Variants in TMEM72 observed in about 807,000 individuals in gnomAD.
TMEM72 encodes the protein kidney-specific secretory protein of 37 kDa.
Under a neutral mutation model 16.3 loss-of-function variants are expected in TMEM72, and 9 were observed. That is an observed-to-expected ratio of 0.55 (90% confidence interval 0.33 to 0.96). The LOEUF is 0.96. Ranked by LOEUF, TMEM72 falls within the 40% of genes least tolerant of loss-of-function variation. The probability of loss-of-function intolerance (pLI) is 0.03; values close to 1 mark genes in which losing one functional copy is unlikely to be tolerated. For synonymous variants in TMEM72, 160 were observed against 146.5 expected (o/e 1.09, Z -0.66); for missense variants, 324 against 337.8 (o/e 0.96, Z 0.32).
In TMEM72 at chr10:44,935,157, C is replaced by A; in HGVS notation, c.*23C>A. ...TGAGCGCTTGCTCCAGCCTGGAGGACGCTCAGTGAGGGGTCTACCTAGCTC... is the reference window on the plus strand; with the variant it reads ...TGAGCGCTTGCTCCAGCCTGGAGGAAGCTCAGTGAGGGGTCTACCTAGCTC... On this transcript the variant is annotated 3_prime_UTR_variant, in exon 5 of 5. Coordinates refer to ENST00000389583, the MANE Select transcript of TMEM72 (RefSeq NM_001123376.3). 1 of 1,543,392 alleles carries A rather than the reference C, an allele frequency of 6.5e-7. No homozygotes were observed. The highest frequency in any genetic ancestry group is 8.7e-7 in the Non-Finnish European group (1 of 1,145,496).
intron 1 of TMEM72, among the ~76,000 whole-genome samples, chr10:44,914,349 G>A (rs946024836): frequency 6.6e-6 from 1 of 152,196 alleles, no homozygotes; most frequent in Admixed American, 6.5e-5. Context: ...GTGGTTTCCA[G>A]GACATAACAG....
In TMEM72 at chr10:44,933,729, T is replaced by G. The variant is rs1214967044; in HGVS notation, c.302T>G (p.Val101Gly). Residue 101 changes from valine to glycine, a missense_variant, in exon 4 of 5, where the codon GTG becomes GGG. Transcript: ENST00000389583. ...QKFLAYLLLS[V>G]ACFLHPVLVW... ...TTCCTGGCCTACCTGCTGCTGTCGGTGGCCTGCTTCCTCCACCCGGTCCTG... is the reference window on the plus strand; with the variant it reads ...TTCCTGGCCTACCTGCTGCTGTCGGGGGCCTGCTTCCTCCACCCGGTCCTG... 1 of 1,614,002 alleles carries G rather than the reference T, an allele frequency of 6.2e-7. No homozygotes were observed. The highest frequency in any genetic ancestry group is 1.3e-5 in the African/African-American group (1 of 74,944).
At chr10:44,921,411 AC>A (rs1199378721) in intron 1 of TMEM72, among the ~76,000 whole-genome samples, 2 of 152,154 alleles carry the variant, frequency 1.3e-5, no homozygotes, top group Non-Finnish European at 1.5e-5. Context: ...TTGCCCCTCC[AC>A]CTGGGCAGGA....
chr10:44,925,022 ACTCCAATCCAAGCAATTTT>A (rs1193496431), intron 1 of TMEM72, among the ~76,000 whole-genome samples: 2 of 152,042 alleles, frequency 1.3e-5, no homozygotes, highest in Non-Finnish European at 2.9e-5. Flanking sequence ...TGCATTTCAG[ACTCCAATCCAAGCAATTTT>A]CTCCAATCCA....
In TMEM72 at chr10:44,911,441, T is replaced by C; in HGVS notation, c.-72T>C. 6.7e-7 allele frequency: 1 copy of C among 1,484,192 alleles called. No individual in the cohort carries two copies. The allele number at this position is 1,484,192 out of a possible 1,614,324, so 91.9% of individuals were successfully genotyped here. A position where few individuals can be genotyped will look rare whatever the true frequency, so the allele number is the denominator to read the frequency against. On this transcript the variant is annotated 5_prime_UTR_variant, in exon 1 of 5. Transcript: ENST00000389583. ...CAGCAGCCTCCTACCTACACAAGGG[T>C]GTTCGGGAGCATCTCAGGGCCGAAG...
intron 2 of TMEM72, among the ~76,000 whole-genome samples, chr10:44,929,262 GTCTCT>G (rs1840253047): frequency 6.6e-6 from 1 of 152,202 alleles, no homozygotes; most frequent in Non-Finnish European, 1.5e-5. Context: ...AAGAACCTGG[GTCTCT>G]GCCCCAGCAT....
At chr10:44,927,789 A>G in intron 1 of TMEM72, 132 bp from the exon 2 acceptor site, 2 of 823,576 alleles carry the variant, frequency 2.4e-6, no homozygotes, top group East Asian at 2.5e-5. Flanking sequence ...TGCCTGTATC[A>G]TGAAGAGAAG....
intron 1 of TMEM72, among the ~76,000 whole-genome samples, chr10:44,913,140 T>A (rs1839961399): frequency 6.6e-6 from 1 of 152,112 alleles, no homozygotes; most frequent in Non-Finnish European, 1.5e-5. Flanking sequence ...CATAAGAGAA[T>A]GATGGCCAAG....
chr10:44,934,534 C>A, intron 4 of TMEM72, 122 bp from the exon 5 acceptor site: 1 of 990,856 alleles, frequency 1.0e-6, no homozygotes, highest in Non-Finnish European at 1.5e-6. Context: ...GCCAGGGCCA[C>A]AGGGGCCTGT....
In TMEM72 at chr10:44,911,539, G is replaced by T; in HGVS notation, c.27G>T (p.Gly9=). ...TGCAGCTCCAGGTGTTCTGGACTGG[G>T]CTGGAATACACCTGCCGGCTCCTGG... MQLQVFWT[G]LEYTCRLLGI... The change falls in exon 1 of 5, where the codon GGG becomes GGT. Residue 9 remains glycine (G), a synonymous_variant. Transcript: ENST00000389583. 1.9e-6 allele frequency: 3 copies of T among 1,551,286 alleles called. No individual in the cohort carries two copies. Among genetic ancestry groups the T allele is most frequent in the African/African-American group, 1.4e-5 (1 of 73,252 alleles).
intron 1 of TMEM72, among the ~76,000 whole-genome samples, chr10:44,911,890 G>C (rs1839943317): frequency 6.6e-6 from 1 of 152,214 alleles, no homozygotes; most frequent in Non-Finnish European, 1.5e-5. Flanking sequence ...CCTACGCAGA[G>C]AGTTGTCATG....
At chr10:44,916,487 C>T (rs927544546) in intron 1 of TMEM72, among the ~76,000 whole-genome samples, 1 of 152,132 alleles carries the variant, frequency 6.6e-6, no homozygotes, top group East Asian at 1.9e-4. Flanking sequence ...CATAGTTTGA[C>T]CTTAGCCCTG....
At chr10:44,915,979 C>T (rs146734497) in intron 1 of TMEM72, among the ~76,000 whole-genome samples, 18 of 152,290 alleles carry the variant, frequency 1.2e-4, no homozygotes, top group African/African-American at 3.4e-4. Flanking sequence ...GTCATTGTCT[C>T]GCTCCAGCCC....
In TMEM72 at chr10:44,932,035, T is replaced by G. The variant is rs1840306191; in HGVS notation, c.175T>G (p.Tyr59Asp). The G allele has an allele frequency of 6.2e-7, 1 of 1,613,410 alleles. No individual in the cohort carries two copies. The highest frequency in any genetic ancestry group is 8.5e-7 in the Non-Finnish European group (1 of 1,179,800). The change falls in exon 3 of 5, where the codon TAC becomes GAC. Residue 59 changes from tyrosine (Y) to aspartate (D), a missense_variant. Coordinates refer to ENST00000389583, the MANE Select transcript of TMEM72 (RefSeq NM_001123376.3). ...CGCTGTCTCCATATGTGAAGGGGCC[T>G]ACTTTGTGGCTCAGCTGCTGGCCAT... ...GAAVSICEGA[Y>D]FVAQLLAICF... is the part of the protein sequence containing the mutation.
intron 2 of TMEM72, among the ~76,000 whole-genome samples, chr10:44,931,380 C>A (rs1840293843): frequency 6.6e-6 from 1 of 152,190 alleles, no homozygotes; most frequent in South Asian, 2.1e-4. Context: ...CACAAGGAGC[C>A]TTTGAGGCAT....
At chr10:44,931,905 T>A in intron 2 of TMEM72, 93 bp from the exon 3 acceptor site, 3 of 1,265,840 alleles carry the variant, frequency 2.4e-6, no homozygotes. Flanking sequence ...TGGCTGTAGA[T>A]GTGATGTCAG....
chr10:44,929,774 C>A (rs1369626615), intron 2 of TMEM72, among the ~76,000 whole-genome samples: 1 of 152,264 alleles, frequency 6.6e-6, no homozygotes, highest in Non-Finnish European at 1.5e-5. Context: ...ACCAGCATGG[C>A]CTCGCCTCCA....
intron 2 of TMEM72, among the ~76,000 whole-genome samples, chr10:44,928,333 T>C (rs1358259070): frequency 1.3e-5 from 2 of 151,552 alleles, no homozygotes; most frequent in Admixed American, 6.6e-5. Flanking sequence ...CATCTATCCA[T>C]CCATCCACAC....
chr10:44,935,023 G>A lies in TMEM72; in HGVS notation c.717G>A (p.Leu239=). 5 of 1,613,982 alleles carry A rather than the reference G, an allele frequency of 3.1e-6. No individual in the cohort carries two copies. Among genetic ancestry groups the A allele is most frequent in the Non-Finnish European group, 4.2e-6 (5 of 1,179,898 alleles). Residue 239 remains leucine, a synonymous_variant, in exon 5 of 5, where the codon CTG becomes CTA. Transcript: ENST00000389583. ...TAGTCCCCTCCCTCGCCGAAGGTCT[G>A]GATGATGGGGACAGTGAGCCAGAGG... ...VRIVPSLAEG[L]DDGDSEPEET...
Sources: gnomAD v4.1 joint callset for allele counts (sites outside exome capture counted in the v4.1 genomes callset) on GRCh38, gnomAD v4.1.1 for gene constraint, MANE v1.5 for transcripts, NCBI Gene and HGNC (gene_info 2026-07-23, HGNC 2026-07-21) for gene names.